NALCN: variants seen among roughly 807,000 people sequenced by gnomAD.
The protein encoded by NALCN is sodium leak channel, non-selective.
In NALCN, 111 loss-of-function variants were observed where a neutral mutation model predicts 225.3. The observed-to-expected ratio is 0.49, with a 90% CI of 0.42 to 0.58. NALCN has a LOEUF of 0.58. Among genes scored for constraint, NALCN ranks in the 20% least tolerant of loss-of-function variants. NALCN has a pLI of 0.00. For synonymous variants in NALCN, 764 were observed against 769.0 expected (o/e 0.99, Z 0.11); for missense variants, 1,378 against 2,202.4 (o/e 0.63, Z 7.49).
intron 10 of NALCN, among the ~76,000 whole-genome samples, chr13:101,273,234 T>A (rs2042857403): frequency 6.6e-6 from 1 of 152,204 alleles, no homozygotes. Flanking sequence ...GAAAACGGCT[T>A]GTCACAGCAG....
chr13:101,162,184 T>C (rs1358686931), intron 15 of NALCN, among the ~76,000 whole-genome samples: 1 of 152,218 alleles, frequency 6.6e-6, no homozygotes, highest in Non-Finnish European at 1.5e-5. Flanking sequence ...AATGATGTTA[T>C]TTTCTGAAGA....
chr13:101,395,389 T>G (rs368170829), intron 2 of NALCN, 24 bp from the exon 3 acceptor site: 188 of 1,605,864 alleles, frequency 1.2e-4, no homozygotes, highest in Non-Finnish European at 1.4e-4. Context: ...CCAGAGTTAC[T>G]ACACGGCACC....
At chr13:101,180,464 C>T (rs1404319272) in intron 14 of NALCN, 2 of 152,310 alleles carry the variant, frequency 1.3e-5, no homozygotes, top group Non-Finnish European at 2.9e-5. Flanking sequence ...CTTGGCCTCC[C>T]AAAGTGCTAG....
At chr13:101,115,025 T>C (rs1431751571) in intron 18 of NALCN, among the ~76,000 whole-genome samples, 1 of 152,196 alleles carries the variant, frequency 6.6e-6, no homozygotes, top group African/African-American at 2.4e-5. Context: ...CCACAGTAGG[T>C]GCTCAATAAA....
rs1029379718 is a variant in NALCN, at chr13:101,395,290, C to T, written c.184G>A (p.Glu62Lys). 7 of 1,613,850 alleles carry T rather than the reference C, an allele frequency of 4.3e-6. No individual in the cohort carries two copies. In the Admixed American group the frequency reaches 8.3e-5, roughly 19 times the overall value. Residue 62 changes from glutamate to lysine, a missense_variant, in exon 3 of 44, where the codon GAG (glutamate) becomes AAG (lysine). Coordinates refer to ENST00000251127, the MANE Select transcript of NALCN (RefSeq NM_052867.4). ...ACATACTGAAGTGGAGGATAGTGCT[C>T]GAAGGTCATTGGCGTATTCATACAA... Reference protein sequence around the residue: ...SVCMNTPMTFEHYPPLQYVTF... With the variant: ...SVCMNTPMTFKHYPPLQYVTF...
chr13:101,064,770 C>T (rs78401784), intron 40 of NALCN, among the ~76,000 whole-genome samples: 7 of 152,028 alleles, frequency 4.6e-5, no homozygotes, highest in East Asian at 1.9e-4. Flanking sequence ...TCCAGGACTT[C>T]GAGACCATAC....
At chr13:101,322,627 T>G (rs1566574969) in intron 7 of NALCN, among the ~76,000 whole-genome samples, 1 of 152,200 alleles carries the variant, frequency 6.6e-6, no homozygotes, top group Non-Finnish European at 1.5e-5. Context: ...ACCTCTATCA[T>G]TTGTGATTTA....
At chr13:101,325,442 A>G (rs1206230874) in intron 7 of NALCN, among the ~76,000 whole-genome samples, 2 of 152,196 alleles carry the variant, frequency 1.3e-5, no homozygotes, top group Non-Finnish European at 2.9e-5. Flanking sequence ...AACGATTCAC[A>G]AATCCTCTTG....
At chr13:101,353,681 T>C (rs2045969324) in intron 6 of NALCN, among the ~76,000 whole-genome samples, 1 of 152,192 alleles carries the variant, frequency 6.6e-6, no homozygotes, top group Admixed American at 6.5e-5. Flanking sequence ...TTCTAGGAAA[T>C]AAGTTGTAAA....
intron 12 of NALCN, among the ~76,000 whole-genome samples, chr13:101,232,518 T>C (rs2041389158): frequency 6.6e-6 from 1 of 151,252 alleles, no homozygotes; most frequent in African/African-American, 2.4e-5. Flanking sequence ...CGATCTCGGC[T>C]CACTGCAAGC....
chr13:101,378,682 A>T, intron 3 of NALCN, 29 bp from the exon 4 acceptor site: 1 of 1,550,870 alleles, frequency 6.4e-7, no homozygotes, highest in Non-Finnish European at 8.8e-7. Context: ...TGGCATTATT[A>T]GGCAAAGCAA....
At chr13:101,400,148 C>T (rs2047425455) in intron 1 of NALCN, among the ~76,000 whole-genome samples, 1 of 144,830 alleles carries the variant, frequency 6.9e-6, no homozygotes, top group Non-Finnish European at 1.5e-5. Flanking sequence ...ACAGCCCTAA[C>T]CAAAAAAAAA....
chr13:101,082,806 T>C lies in NALCN; in HGVS notation c.3765+3A>G. On this transcript the variant is annotated splice_donor_region_variant and intron_variant, in intron 33 of 43. Transcript: ENST00000251127. ...CCCAGAGCTAGCTGACTCATTACAG[T>C]ACCTCCAGAACAAAGATGAAGGTGA... The C allele has an allele frequency of 2.5e-6, 4 of 1,614,090 alleles. No homozygotes were observed. Among genetic ancestry groups the C allele is most frequent in the Non-Finnish European group, 3.4e-6 (4 of 1,179,944 alleles).
rs139544476 is a variant in NALCN, at chr13:101,181,226, G to A, written c.1765-4852C>T. The A allele has an allele frequency of 7.7e-3, 3,978 of 518,896 alleles. 30 individuals carry two copies. The highest frequency in any genetic ancestry group is 0.011 in the Non-Finnish European group (2,785 of 259,850). 32.1% of individuals were successfully genotyped at this position (518,896 alleles called of 1,614,324 possible). On this transcript the variant is annotated intron_variant, in intron 14 of 43. Transcript: ENST00000251127. ...CCAGGTGGTGTGGTGAGGGCCTGGTGAGTAAGTCTGGCCAGAGTCTGGCTT... is the reference window on the plus strand; with the variant it reads ...CCAGGTGGTGTGGTGAGGGCCTGGTAAGTAAGTCTGGCCAGAGTCTGGCTT...
chr13:101,069,082 A>G, intron 37 of NALCN, among the ~76,000 whole-genome samples: 1 of 152,220 alleles, frequency 6.6e-6, no homozygotes, highest in East Asian at 1.9e-4. Flanking sequence ...AAATGAACTG[A>G]TCTCCACTAG....
At chr13:101,325,809 C>T (rs2044931694) in intron 7 of NALCN, among the ~76,000 whole-genome samples, 1 of 152,160 alleles carries the variant, frequency 6.6e-6, no homozygotes, top group African/African-American at 2.4e-5. Context: ...TATTTTGACT[C>T]AATTTCTGTT....
intron 3 of NALCN, among the ~76,000 whole-genome samples, chr13:101,383,436 T>C (rs1286369555): frequency 6.6e-6 from 1 of 152,076 alleles, no homozygotes; most frequent in Non-Finnish European, 1.5e-5. Flanking sequence ...TCTCTCATGG[T>C]AAATGTTTGA....
intron 18 of NALCN, among the ~76,000 whole-genome samples, chr13:101,117,665 T>A (rs1173930637): frequency 2.6e-5 from 4 of 152,202 alleles, no homozygotes; most frequent in Non-Finnish European, 5.9e-5. Context: ...CAGGCATTTA[T>A]GTTTACACCA....
intron 18 of NALCN, among the ~76,000 whole-genome samples, chr13:101,118,567 C>G (rs1451344018): frequency 6.6e-6 from 1 of 152,134 alleles, no homozygotes; most frequent in Non-Finnish European, 1.5e-5. Context: ...TTTCATCTAT[C>G]TACTTAGCTT....
Sources: allele counts gnomAD v4.1 joint callset (sites outside exome capture counted in the v4.1 genomes callset), GRCh38; gene constraint gnomAD v4.1.1; transcripts MANE v1.5; gene names NCBI Gene and HGNC (gene_info 2026-07-23, HGNC 2026-07-21).